SLC25A27: variants seen among roughly 807,000 people sequenced by gnomAD.
SLC25A27 encodes mitochondrial uncoupling protein 4.
Under a neutral mutation model 49.1 loss-of-function variants are expected in SLC25A27, and 35 were observed. That is an observed-to-expected ratio of 0.71 (90% CI 0.54 to 0.95). The LOEUF is 0.95. SLC25A27 is among the 40% of genes least tolerant of loss of function. The pLI is 0.00. For missense variants in SLC25A27, 339 were observed against 397.1 expected (o/e 0.85, Z 1.24); for synonymous variants, 144 against 136.9 (o/e 1.05, Z -0.36).
At position 46,656,168 on chromosome 6, in the gene SLC25A27, C is replaced by A. The variant is rs921959320; in HGVS notation, c.298+134C>A. On this transcript the variant is annotated intron_variant, in intron 2 of 8. Transcript: ENST00000371347. ...TAACTGAACACATACAGCACATAGT[C>A]TTTTTTTATTATTATTTAGGTTTTT... 6.5e-6 allele frequency: 4 copies of A among 618,952 alleles called. 1 individual carries two copies. The highest frequency in any genetic ancestry group is 1.0e-5 in the Non-Finnish European group (4 of 383,110). The allele number at this position is 618,952 out of a possible 1,614,324, so 38.3% of individuals were successfully genotyped here. A position where few individuals can be genotyped will look rare whatever the true frequency, so the allele number is the denominator to read the frequency against.
At chr6:46,653,757 A>G in intron 1 of SLC25A27, 1 of 985,280 alleles carries the variant, frequency 1.0e-6, no homozygotes, top group South Asian at 4.7e-5. Context: ...CCACTCACAG[A>G]GCATCGACTA....
chr6:46,656,473 G>A (rs998142642), intron 2 of SLC25A27, among the ~76,000 whole-genome samples: 3 of 152,040 alleles, frequency 2.0e-5, no homozygotes, highest in African/African-American at 7.2e-5. Flanking sequence ...AGCCTCCTGA[G>A]TAGCTAGGAT....
At position 46,655,360 on chromosome 6, in the gene SLC25A27, A is replaced by G. The variant is rs186466759; in HGVS notation, c.107-483A>G. 5.0e-3 allele frequency among the ~76,000 whole-genome samples: 768 copies of G among 152,218 alleles called. 6 individuals are homozygous for G. Among genetic ancestry groups the G allele is most frequent in the African/African-American group, 0.018 (730 of 41,520 alleles). ...TAAGAATATATAGTGCAGTATTCTA[A>G]TGTTACATTAGATCTCAAATAATCA... On this transcript the variant is annotated intron_variant, in intron 1 of 8. Coordinates refer to ENST00000371347, the MANE Select transcript of SLC25A27 (RefSeq NM_004277.5).
intron 3 of SLC25A27, among the ~76,000 whole-genome samples, chr6:46,659,663 G>T (rs560122994): frequency 2.0e-5 from 3 of 152,130 alleles, no homozygotes; most frequent in Admixed American, 1.3e-4. Flanking sequence ...AGACCAGCCT[G>T]GCCAACATGG....
intron 2 of SLC25A27, among the ~76,000 whole-genome samples, chr6:46,657,090 C>G (rs1763008509): frequency 6.6e-6 from 1 of 152,100 alleles, no homozygotes; most frequent in Non-Finnish European, 1.5e-5. Context: ...AGCTTGAATC[C>G]AGGAATTCAA....
At position 46,655,917 on chromosome 6, in the gene SLC25A27, G is replaced by C; in HGVS notation, c.181G>C (p.Gly61Arg). 1 of 1,613,668 alleles carries C rather than the reference G, an allele frequency of 6.2e-7. No homozygotes were observed. The highest frequency in any genetic ancestry group is 8.5e-7 in the Non-Finnish European group (1 of 1,179,852). Reference sequence around the variant, plus strand: ...AGCAGCTCTTGCTCGGTTGGGAGACGGTGCAAGAGAATCTGCCCCCTATAG... The same window carrying C: ...AGCAGCTCTTGCTCGGTTGGGAGACCGTGCAAGAGAATCTGCCCCCTATAG... ...GEAALARLGD[G>R]ARESAPYRGM... is the part of the protein sequence containing the mutation. Residue 61 changes from glycine (G) to arginine (R), a missense_variant, in exon 2 of 9, where the codon GGT (glycine) becomes CGT (arginine). Transcript: ENST00000371347.
Position 46,676,836 on chromosome 6 carries a change from T to C in SLC25A27, c.*382T>C, listed in dbSNP as rs1366988286. ...AGCATTTCAGATCTGAAGTAGACGA[T>C]AGGAATGTGGAAGAACACATACATA... On this transcript the variant is annotated 3_prime_UTR_variant, in exon 9 of 9. Coordinates refer to ENST00000371347, the MANE Select transcript of SLC25A27 (RefSeq NM_004277.5). The C allele has an allele frequency of 2.1e-5, 14 of 674,474 alleles. No homozygotes were observed. Among genetic ancestry groups the C allele is most frequent in the Middle Eastern group, 2.7e-4 (1 of 3,770 alleles). 41.8% of individuals were successfully genotyped at this position (674,474 alleles called of 1,614,324 possible).
rs908123289 is a variant in SLC25A27, at chr6:46,678,109, TTTTG to T, written c.*1663_*1666del. On this transcript the variant is annotated 3_prime_UTR_variant, in exon 9 of 9. Coordinates refer to ENST00000371347, the MANE Select transcript of SLC25A27 (RefSeq NM_004277.5). ...TCTGCATTGAACCACTTAGGGAAAA[TTTTG>T]TTTGTTTTTATGTTTTGTAATTTTT... 2.8e-5 allele frequency: 4 copies of T among 142,462 alleles called. No individual in the cohort carries two copies. The highest frequency in any genetic ancestry group is 7.8e-5 in the African/African-American group (3 of 38,428). 8.8% of individuals were successfully genotyped at this position (142,462 alleles called of 1,614,324 possible). A position where few individuals can be genotyped will look rare whatever the true frequency, so the allele number is the denominator to read the frequency against.
In SLC25A27 at chr6:46,655,959, G is replaced by A. The variant is rs551058229; in HGVS notation, c.223G>A (p.Ala75Thr). 27 of 1,613,858 alleles carry A rather than the reference G, an allele frequency of 1.7e-5. No individual in the cohort carries two copies. In the Admixed American group the frequency reaches 3.3e-4, roughly 20 times the overall value. ...SAPYRGMVRT[A>T]LGIIEEEGFL... Reference sequence around the variant, plus strand: ...CCCCTATAGGGGAATGGTGCGCACAGCTCTAGGGATCATTGAAGAGGAAGG... The same window carrying A: ...CCCCTATAGGGGAATGGTGCGCACAACTCTAGGGATCATTGAAGAGGAAGG... The change falls in exon 2 of 9, where the codon GCT (alanine) becomes ACT (threonine). Residue 75 changes from alanine (A) to threonine (T), a missense_variant. By Grantham distance (58) the Ala-to-Thr change is moderately conservative (BLOSUM62 0). Coordinates refer to ENST00000371347, the MANE Select transcript of SLC25A27 (RefSeq NM_004277.5).
intron 3 of SLC25A27, among the ~76,000 whole-genome samples, chr6:46,661,737 G>A (rs182371177): frequency 2.4e-4 from 37 of 152,324 alleles, no homozygotes; most frequent in Middle Eastern, 3.4e-3. Context: ...CAGAGAGAAT[G>A]ACAGCACTGT....
intron 5 of SLC25A27, among the ~76,000 whole-genome samples, chr6:46,665,313 T>C (rs1763285293): frequency 6.6e-6 from 1 of 152,172 alleles, no homozygotes. Context: ...GCTGGAAACC[T>C]CAATGTTCTC....
At chr6:46,661,091 AAC>A (rs1210449015) in intron 3 of SLC25A27, among the ~76,000 whole-genome samples, 2 of 152,256 alleles carry the variant, frequency 1.3e-5, no homozygotes, top group Non-Finnish European at 2.9e-5. Flanking sequence ...AGCTTACAGT[AAC>A]AGAGTCGATG....
chr6:46,676,653 G>T lies in SLC25A27; in HGVS notation c.*199G>T. Reference sequence around the variant, plus strand: ...TCCTCTTTTTGTCCAAAAGTGATCTGGTCGGATCTCACAAGGCCATCCAAT... The same window carrying T: ...TCCTCTTTTTGTCCAAAAGTGATCTTGTCGGATCTCACAAGGCCATCCAAT... On this transcript the variant is annotated 3_prime_UTR_variant, in exon 9 of 9. Transcript: ENST00000371347. 2 of 1,550,818 alleles carry T rather than the reference G, an allele frequency of 1.3e-6. No homozygotes were observed. The highest frequency in any genetic ancestry group is 1.7e-6 in the Non-Finnish European group (2 of 1,146,984).
intron 2 of SLC25A27, 119 bp from the exon 3 acceptor site, chr6:46,658,843 C>T: frequency 3.8e-6 from 3 of 783,688 alleles, no homozygotes; most frequent in Middle Eastern, 2.3e-4. Flanking sequence ...CCCCATGAGA[C>T]AAAGACACAG....
chr6:46,660,258 A>T (rs546028163), intron 3 of SLC25A27, among the ~76,000 whole-genome samples: 1 of 23,286 alleles, frequency 4.3e-5, no homozygotes, highest in African/African-American at 2.9e-4. Flanking sequence ...GTGTGTATAG[A>T]GAGAGAGAGA....
intron 5 of SLC25A27, among the ~76,000 whole-genome samples, chr6:46,667,962 T>G (rs1165974893): frequency 6.6e-6 from 1 of 152,204 alleles, no homozygotes; most frequent in East Asian, 1.9e-4. Context: ...TCCCCATACT[T>G]TAGTGTGGGT....
At chr6:46,664,953 G>A (rs1221106723) in intron 5 of SLC25A27, 67 bp downstream of exon 5, 2 of 690,916 alleles carry the variant, frequency 2.9e-6, no homozygotes, top group Non-Finnish European at 4.7e-6. Flanking sequence ...ACTTATATTA[G>A]GGAAATTAAA....
intron 5 of SLC25A27, 74 bp downstream of exon 5, chr6:46,664,960 T>A: frequency 3.1e-6 from 2 of 649,696 alleles, no homozygotes; most frequent in South Asian, 2.7e-5. Context: ...TTAGGGAAAT[T>A]AAAATTTATG....
At chr6:46,660,230 C>CTGTGTGTGCGTGTGTGTGTG (rs1763120995) in intron 3 of SLC25A27, among the ~76,000 whole-genome samples, 1 of 147,310 alleles carries the variant, frequency 6.8e-6, no homozygotes, top group Admixed American at 6.8e-5. Flanking sequence ...ACCTCTGTGT[C>CTGTGTGTGCGTGTGTGTGTG]TGTGTGTGTG....
Sources: gnomAD v4.1 joint callset for allele counts (sites outside exome capture counted in the v4.1 genomes callset) on GRCh38, gnomAD v4.1.1 for gene constraint, MANE v1.5 for transcripts, NCBI Gene and HGNC (gene_info 2026-07-23, HGNC 2026-07-21) for gene names.